The following STX8 variants were observed in gnomAD, a reference collection of about 807,000 sequenced individuals.
STX8 encodes syntaxin-8.
Under a neutral mutation model 37.5 loss-of-function variants are expected in STX8, and 23 were observed. The observed-to-expected ratio is 0.61, with a 90% CI of 0.44 to 0.87. The LOEUF is 0.87. Among genes scored for constraint, STX8 ranks in the 40% least tolerant of loss-of-function variants. The pLI, the probability that STX8 is intolerant of heterozygous loss-of-function variation, is 0.00. For missense variants in STX8, 313 were observed against 284.7 expected (o/e 1.10, Z -0.71); for synonymous variants, 115 against 99.1 (o/e 1.16, Z -0.95).
intron 7 of STX8, among the ~76,000 whole-genome samples, chr17:9,371,510 C>T (rs1911400611): frequency 1.3e-5 from 2 of 152,198 alleles, no homozygotes; most frequent in Non-Finnish European, 2.9e-5. Context: ...TAACTCTTCG[C>T]TGTATCTCGA....
At chr17:9,492,333 A>G (rs1396478376) in intron 5 of STX8, among the ~76,000 whole-genome samples, 1 of 152,210 alleles carries the variant, frequency 6.6e-6, no homozygotes, top group Admixed American at 6.5e-5. Flanking sequence ...AATACAAATA[A>G]AAAACTACTT....
intron 6 of STX8, among the ~76,000 whole-genome samples, chr17:9,459,151 G>A (rs1905277926): frequency 6.6e-6 from 1 of 152,072 alleles, no homozygotes; most frequent in Non-Finnish European, 1.5e-5. Context: ...TATTTTAACA[G>A]AAAGAATTTA....
intron 7 of STX8, among the ~76,000 whole-genome samples, chr17:9,323,294 G>A (rs1258654063): frequency 6.6e-6 from 1 of 151,618 alleles, no homozygotes; most frequent in Non-Finnish European, 1.5e-5. Context: ...TAGAAAAAAA[G>A]AAAACCTTAG....
chr17:9,507,395 C>T lies in STX8; in HGVS notation c.324-2233G>A, dbSNP rs1460531353. ...GCAGCCTTGTGTTCATATCCCGGGT[C>T]TGAGAAGCAACTCCTCAGGCCACTC... On this transcript the variant is annotated intron_variant, in intron 4 of 7. Coordinates refer to ENST00000306357, the MANE Select transcript of STX8 (RefSeq NM_004853.3). The surrounding 1 kb of genome is among the most constrained non-coding windows in gnomAD (Gnocchi z 4.0). 6.6e-6 allele frequency among the ~76,000 whole-genome samples: 1 copy of T among 151,752 alleles called. No homozygotes were observed. Among genetic ancestry groups the T allele is most frequent in the Non-Finnish European group, 1.5e-5 (1 of 67,926 alleles).
chr17:9,528,618 G>T lies in STX8; in HGVS notation c.323+16554C>A, dbSNP rs184458486. Among the ~76,000 whole-genome samples, 491 of 152,128 alleles carry T rather than the reference G, an allele frequency of 3.2e-3. 2 individuals are homozygous for T. Among genetic ancestry groups the T allele is most frequent in the African/African-American group, 0.011 (460 of 41,502 alleles). On this transcript the variant is annotated intron_variant, in intron 4 of 7. Transcript: ENST00000306357. ...CCACTGCGCCTGGCTTTTTTGACTTGTTATAATGTGCATGTATCATGTGGA... is the reference window on the plus strand; with the variant it reads ...CCACTGCGCCTGGCTTTTTTGACTTTTTATAATGTGCATGTATCATGTGGA...
At chr17:9,433,337 C>T (rs1914041565) in intron 6 of STX8, among the ~76,000 whole-genome samples, 2 of 152,204 alleles carry the variant, frequency 1.3e-5, no homozygotes, top group Non-Finnish European at 2.9e-5. Context: ...GTAATTTCCA[C>T]TTCATAGCTT....
intron 2 of STX8, among the ~76,000 whole-genome samples, chr17:9,565,471 C>T (rs1438087339): frequency 6.6e-6 from 1 of 151,952 alleles, no homozygotes; most frequent in Non-Finnish European, 1.5e-5. Context: ...CAAAAATTAG[C>T]TGGGCATGGT....
At chr17:9,269,588 A>G (rs1907376277) in intron 7 of STX8, among the ~76,000 whole-genome samples, 1 of 152,256 alleles carries the variant, frequency 6.6e-6, no homozygotes, top group South Asian at 2.1e-4. Context: ...CTTCTGGAAA[A>G]AAGTAAGATA....
At position 9,393,301 on chromosome 17, in the gene STX8, A is replaced by C. The variant is rs79946139; in HGVS notation, c.542-14648T>G. On this transcript the variant is annotated intron_variant, in intron 6 of 7. Coordinates refer to ENST00000306357, the MANE Select transcript of STX8 (RefSeq NM_004853.3). ...TGAAATAAAGATACTCTAGACGAAG[A>C]AGTACTAAGAAAATATGTTGTCAAC... 5.3e-3 allele frequency among the ~76,000 whole-genome samples: 802 copies of C among 152,336 alleles called. 2 individuals are homozygous for C. Among genetic ancestry groups the C allele is most frequent in the South Asian group, 0.015 (70 of 4,826 alleles).
At chr17:9,527,730 C>A (rs765628644) in intron 4 of STX8, among the ~76,000 whole-genome samples, 1 of 152,148 alleles carries the variant, frequency 6.6e-6, no homozygotes, top group Non-Finnish European at 1.5e-5. Context: ...CTGTAACGCC[C>A]ACTGACAGCT....
chr17:9,320,628 C>G (rs544991042), intron 7 of STX8, among the ~76,000 whole-genome samples: 1 of 152,118 alleles, frequency 6.6e-6, no homozygotes, highest in South Asian at 2.1e-4. Context: ...CATGGTGGCT[C>G]ACACCTGTAA....
intron 6 of STX8, among the ~76,000 whole-genome samples, chr17:9,486,415 G>A (rs1186340494): frequency 6.6e-6 from 1 of 152,218 alleles, no homozygotes; most frequent in Non-Finnish European, 1.5e-5. Flanking sequence ...GCAGAGATTT[G>A]TTCTTGGTGT....
intron 4 of STX8, among the ~76,000 whole-genome samples, chr17:9,516,298 CAT>C (rs150682084): frequency 0.069 from 3,516 of 50,828 alleles, 65 homozygotes; most frequent in Non-Finnish European, 0.08. Flanking sequence ...GAACCACAGT[CAT>C]ATATATATAT....
chr17:9,323,331 T>C (rs1256021925), intron 7 of STX8, among the ~76,000 whole-genome samples: 4 of 152,150 alleles, frequency 2.6e-5, no homozygotes, highest in Non-Finnish European at 5.9e-5. Flanking sequence ...AAAGACTACA[T>C]AGCAATAAGA....
intron 6 of STX8, among the ~76,000 whole-genome samples, chr17:9,429,355 TATATA>T (rs1913758830): frequency 6.9e-6 from 1 of 145,746 alleles, no homozygotes; most frequent in Admixed American, 7.0e-5. Flanking sequence ...TTATATATAA[TATATA>T]ATAAATATTT....
intron 7 of STX8, among the ~76,000 whole-genome samples, chr17:9,371,495 G>T (rs1159854311): frequency 1.3e-5 from 2 of 152,202 alleles, no homozygotes; most frequent in African/African-American, 4.8e-5. Flanking sequence ...AGAAGAGCAG[G>T]TGGTTAACTC....
At chr17:9,446,795 G>A (rs928084296) in intron 6 of STX8, among the ~76,000 whole-genome samples, 1 of 152,116 alleles carries the variant, frequency 6.6e-6, no homozygotes, top group Non-Finnish European at 1.5e-5. Context: ...TTTTCCCACT[G>A]AGAGTGAGAC....
intron 7 of STX8, among the ~76,000 whole-genome samples, chr17:9,258,381 T>C (rs1906881920): frequency 6.6e-6 from 1 of 152,222 alleles, no homozygotes; most frequent in Non-Finnish European, 1.5e-5. Context: ...GGTGAGCGTA[T>C]TTACATTCTG....
chr17:9,406,387 C>A (rs1023564476), intron 6 of STX8, among the ~76,000 whole-genome samples: 5 of 152,170 alleles, frequency 3.3e-5, no homozygotes, highest in African/African-American at 1.2e-4. Context: ...ACTGCTCAGG[C>A]AGAGATGATT....
Sources: gnomAD v4.1 joint callset for allele counts (sites outside exome capture counted in the v4.1 genomes callset) on GRCh38, gnomAD v4.1.1 for gene constraint, Gnocchi (gnomAD v3.1) non-coding constraint, MANE v1.5 for transcripts, NCBI Gene and HGNC (gene_info 2026-07-23, HGNC 2026-07-21) for gene names.